The following IPO11 variants were observed in gnomAD, a reference collection of about 807,000 sequenced individuals.
IPO11 encodes the protein importin-11.
IPO11 carries 66 observed loss-of-function variants against 143.2 expected under a neutral mutation model. That is an observed-to-expected ratio of 0.46 (90% CI 0.38 to 0.57). IPO11 has a LOEUF of 0.57. Ranked by LOEUF, IPO11 falls within the 20% of genes least tolerant of loss-of-function variation. IPO11 has a pLI of 0.00. For synonymous variants in IPO11, 385 were observed against 377.8 expected (o/e 1.02, Z -0.22); for missense variants, 1,026 against 1,141.0 (o/e 0.90, Z 1.45).
rs1192970252 is a variant in IPO11 at position 62,444,096 on chromosome 5, T to C, written c.239+1013T>C. Among the ~76,000 whole-genome samples, 3 of 146,706 alleles carry C rather than the reference T, an allele frequency of 2.0e-5. No individual in the cohort carries two copies. The Admixed American group carries it at 2.1e-4, about 10-fold the overall frequency. On this transcript the variant is annotated intron_variant, in intron 3 of 29. Coordinates refer to ENST00000325324, the MANE Select transcript of IPO11 (RefSeq NM_016338.5). ...ACGGTTTAAAGCAGACATGTCTTTT[T>C]CTTTTTTTTTTTTTTTTGAGACGGA...
chr5:62,552,974 C>T (rs1003952084), intron 26 of IPO11, among the ~76,000 whole-genome samples: 3 of 152,176 alleles, frequency 2.0e-5, no homozygotes, highest in African/African-American at 4.8e-5. Context: ...ATACAACAGC[C>T]TCCTTCTAAC....
rs771479976 is a variant in IPO11 at position 62,449,964 on chromosome 5, G to A, written c.277G>A (p.Gly93Arg). ...SEEEKTTLRA[G>R]LITNFNEPIN... ...GGAGGAGAAAACTACTCTGCGTGCA[G>A]GGCTCATCACCAACTTCAATGAACC... is the stretch of plus-strand genomic sequence containing the variant. The change falls in exon 4 of 30, where the codon GGG becomes AGG. Residue 93 changes from glycine to arginine, a missense_variant. By Grantham distance (125) the Gly-to-Arg change is moderately radical (BLOSUM62 -2). Coordinates refer to ENST00000325324, the MANE Select transcript of IPO11 (RefSeq NM_016338.5). 1 of 1,600,830 alleles carries A rather than the reference G, an allele frequency of 6.2e-7. No homozygotes were observed. The highest frequency in any genetic ancestry group is 8.5e-7 in the Non-Finnish European group (1 of 1,175,070).
chr5:62,498,765 G>A (rs1741241076), intron 16 of IPO11, among the ~76,000 whole-genome samples: 1 of 152,174 alleles, frequency 6.6e-6, no homozygotes, highest in Non-Finnish European at 1.5e-5. Context: ...AGCTACTCAG[G>A]AGGTTGAGGC....
intron 7 of IPO11, 65 bp downstream of exon 7, chr5:62,470,373 G>A (rs1212034716): frequency 3.7e-6 from 5 of 1,368,416 alleles, no homozygotes; most frequent in Non-Finnish European, 5.2e-6. Flanking sequence ...GTTTGAAAGA[G>A]TGCTCTTTTT....
intron 27 of IPO11, among the ~76,000 whole-genome samples, chr5:62,562,553 C>T (rs1221046790): frequency 6.6e-6 from 1 of 152,210 alleles, no homozygotes. Context: ...ACTGATCAGA[C>T]AGGAGGCGGA....
intron 29 of IPO11, among the ~76,000 whole-genome samples, chr5:62,626,089 G>T (rs1427434186): frequency 1.3e-5 from 2 of 151,970 alleles, no homozygotes; most frequent in Non-Finnish European, 2.9e-5. Flanking sequence ...GAGTGCAATG[G>T]CACGATCTCA....
At chr5:62,585,715 G>T (rs1242955735) in intron 27 of IPO11, among the ~76,000 whole-genome samples, 1 of 152,168 alleles carries the variant, frequency 6.6e-6, no homozygotes, top group African/African-American at 2.4e-5. Flanking sequence ...AGGAGTGGAA[G>T]TTTCCTTGTT....
chr5:62,586,760 A>ATATATATATATATAT (rs1233897638), intron 27 of IPO11, among the ~76,000 whole-genome samples: 3 of 81,576 alleles, frequency 3.7e-5, no homozygotes. Context: ...TCCAAAAAAA[A>ATATATATATATATAT]AAAAAAAAAT....
chr5:62,528,220 T>G (rs1328491594), intron 21 of IPO11, among the ~76,000 whole-genome samples: 1 of 152,160 alleles, frequency 6.6e-6, no homozygotes, highest in Non-Finnish European at 1.5e-5. Flanking sequence ...GAGAGGAGAA[T>G]GTTTCCTAAA....
At chr5:62,542,130 C>T (rs922945612) in intron 24 of IPO11, among the ~76,000 whole-genome samples, 1 of 151,050 alleles carries the variant, frequency 6.6e-6, no homozygotes, top group Non-Finnish European at 1.5e-5. Flanking sequence ...GGCTGGAGTG[C>T]AATGGCGTGA....
chr5:62,462,945 A>C (rs747052190), intron 5 of IPO11, among the ~76,000 whole-genome samples: 1 of 151,886 alleles, frequency 6.6e-6, no homozygotes, highest in Non-Finnish European at 1.5e-5. Flanking sequence ...GAATTAGATA[A>C]AAGGTCTATG....
chr5:62,567,777 G>C (rs1019712448), intron 27 of IPO11, among the ~76,000 whole-genome samples: 2 of 151,536 alleles, frequency 1.3e-5, no homozygotes, highest in Admixed American at 6.6e-5. Context: ...GGTCAGGCTG[G>C]TCTCAAACTC....
chr5:62,485,810 A>G (rs1746377010), intron 12 of IPO11, among the ~76,000 whole-genome samples: 1 of 150,948 alleles, frequency 6.6e-6, no homozygotes, highest in East Asian at 1.9e-4. Context: ...TGATGATGCC[A>G]CTGCGTTCTA....
chr5:62,542,404 G>T (rs1167121505), intron 24 of IPO11, among the ~76,000 whole-genome samples: 3 of 152,174 alleles, frequency 2.0e-5, no homozygotes, highest in Non-Finnish European at 4.4e-5. Flanking sequence ...TGAAGGCTGG[G>T]CAAACTCAAA....
At chr5:62,589,441 A>AC (rs1470828791) in intron 27 of IPO11, among the ~76,000 whole-genome samples, 1 of 152,174 alleles carries the variant, frequency 6.6e-6, no homozygotes, top group Non-Finnish European at 1.5e-5. Context: ...TAGTCAAGTC[A>AC]CCCACCCAAG....
At chr5:62,576,200 G>C (rs1179578712) in intron 27 of IPO11, 2 of 158,746 alleles carry the variant, frequency 1.3e-5, no homozygotes, top group Non-Finnish European at 2.9e-5. Context: ...AAGAAGATTT[G>C]TGTGCTCCCT....
Position 62,476,771 on chromosome 5 carries a change from T to G in IPO11, c.828+18T>G. 2 of 1,502,926 alleles carry G rather than the reference T, an allele frequency of 1.3e-6. No homozygotes were observed. The highest frequency in any genetic ancestry group is 1.8e-6 in the Non-Finnish European group (2 of 1,119,340). The allele number at this position is 1,502,926 out of a possible 1,614,324, so 93.1% of individuals were successfully genotyped here. A position where few individuals can be genotyped will look rare whatever the true frequency, so the allele number is the denominator to read the frequency against. Reference sequence around the variant, plus strand: ...CTAAAGTGGTAAGTTTTTTAAAAACTTGTTTTCTCAAATATAATACACATA... The same window carrying G: ...CTAAAGTGGTAAGTTTTTTAAAAACGTGTTTTCTCAAATATAATACACATA... On this transcript the variant is annotated intron_variant, in intron 9 of 29. Transcript: ENST00000325324.
chr5:62,568,295 G>A (rs575095614), intron 27 of IPO11, among the ~76,000 whole-genome samples: 5 of 151,674 alleles, frequency 3.3e-5, no homozygotes, highest in African/African-American at 7.3e-5. Context: ...TGTCTTCTAC[G>A]TTACTCATTT....
intron 1 of IPO11, among the ~76,000 whole-genome samples, chr5:62,415,467 T>G (rs1034175562): frequency 2.8e-5 from 4 of 142,216 alleles, no homozygotes; most frequent in Non-Finnish European, 6.1e-5. Flanking sequence ...GTCTTTACTT[T>G]TTTTTTTTTT....
Sources: gnomAD v4.1 joint callset for allele counts (sites outside exome capture counted in the v4.1 genomes callset) on GRCh38, gnomAD v4.1.1 for gene constraint, MANE v1.5 for transcripts, NCBI Gene and HGNC (gene_info 2026-07-23, HGNC 2026-07-21) for gene names.